The following GDAP1 variants were observed in gnomAD, a reference collection of about 807,000 sequenced individuals.
The protein encoded by GDAP1 is ganglioside-induced differentiation-associated protein 1.
A neutral mutation model predicts 40.1 loss-of-function variants in GDAP1; 34 were observed. The observed-to-expected ratio is 0.85, with a 90% CI of 0.64 to 1.13. GDAP1 has a LOEUF of 1.13. Among genes scored for constraint, GDAP1 ranks in the 50% most tolerant of loss-of-function variants. The pLI is 0.00. For missense variants in GDAP1, 374 were observed against 433.7 expected, an observed-to-expected ratio of 0.86 and a Z score of 1.22; for synonymous variants, 170 against 157.4, an observed-to-expected ratio of 1.08 and a Z score of -0.60.
intron 2 of GDAP1, among the ~76,000 whole-genome samples, chr8:74,473,083 ATTTTTT>A (rs34633437): frequency 1.9e-4 from 28 of 148,254 alleles, no homozygotes; most frequent in African/African-American, 6.8e-4. Flanking sequence ...GGCTGCATGT[ATTTTTT>A]TTTTTTTTGA....
intron 2 of GDAP1, among the ~76,000 whole-genome samples, chr8:74,417,456 A>G (rs1805797292): frequency 6.7e-6 from 1 of 150,290 alleles, no homozygotes; most frequent in African/African-American, 2.5e-5. Flanking sequence ...CCCAATTCAT[A>G]GATGCTATGA....
intron 2 of GDAP1, among the ~76,000 whole-genome samples, chr8:74,413,071 A>AAAG (rs1202635316): frequency 1.4e-5 from 2 of 145,588 alleles, no homozygotes; most frequent in Non-Finnish European, 3.0e-5. Flanking sequence ...GTCTCAAAAA[A>AAAG]AAAAAAAAAA....
At chr8:74,363,414 A>G (rs774958560) in intron 5 of GDAP1, among the ~76,000 whole-genome samples, 3 of 152,186 alleles carry the variant, frequency 2.0e-5, no homozygotes, top group Admixed American at 1.3e-4. Context: ...CTAAAGTGTA[A>G]TAAGGACCAG....
chr8:74,358,301 A>C (rs1809199330), intron 2 of GDAP1, among the ~76,000 whole-genome samples: 2 of 152,224 alleles, frequency 1.3e-5, no homozygotes, highest in African/African-American at 2.4e-5. Flanking sequence ...TTCTGGAGAG[A>C]AGCCCCAGGG....
intron 2 of GDAP1, among the ~76,000 whole-genome samples, chr8:74,474,307 T>C (rs755519481): frequency 1.3e-5 from 2 of 152,128 alleles, no homozygotes; most frequent in Non-Finnish European, 2.9e-5. Context: ...CTGATTGTTC[T>C]GGCCAGGACT....
chr8:74,464,679 T>C (rs60566797), intron 2 of GDAP1, among the ~76,000 whole-genome samples: 1,999 of 152,286 alleles, frequency 0.013, 37 homozygotes, highest in African/African-American at 0.044. Context: ...TGCCTTTGAG[T>C]TGGGCCTGGA....
At chr8:74,383,941 T>C (rs1467913937) in intron 2 of GDAP1, among the ~76,000 whole-genome samples, 1 of 152,154 alleles carries the variant, frequency 6.6e-6, no homozygotes, top group Non-Finnish European at 1.5e-5. Flanking sequence ...TAAGATCGTT[T>C]AAGTCTCATG....
At chr8:74,439,168 G>A (rs1806129667) in intron 2 of GDAP1, among the ~76,000 whole-genome samples, 1 of 151,706 alleles carries the variant, frequency 6.6e-6, no homozygotes, top group African/African-American at 2.4e-5. Context: ...GCACCAAAAT[G>A]TTTAACATTT....
chr8:74,379,524 T>C (rs1268530191), intron 2 of GDAP1, among the ~76,000 whole-genome samples: 2 of 152,212 alleles, frequency 1.3e-5, no homozygotes, highest in East Asian at 1.9e-4. Flanking sequence ...GGTATCTTTA[T>C]TGAGACATAT....
At position 74,475,454 on chromosome 8, in the gene GDAP1, C is replaced by T. The variant is rs183889672; in HGVS notation, c.166-13224C>T. On this transcript the variant is annotated intron_variant, in intron 2 of 2. Transcript: ENST00000523640. ...AATTTTCCTTTTAACACTTCCTTAG[C>T]TGTGTCACAGAGATTTTGGTATATT... Among the ~76,000 whole-genome samples the T allele has an allele frequency of 3.6e-3, 541 of 152,184 alleles. 2 individuals carry two copies. The highest frequency in any genetic ancestry group is 0.012 in the African/African-American group (507 of 41,532).
intron 2 of GDAP1, among the ~76,000 whole-genome samples, chr8:74,487,128 G>A (rs189841779): frequency 6.6e-6 from 1 of 152,232 alleles, no homozygotes; most frequent in Admixed American, 6.5e-5. Flanking sequence ...CTGGCACATG[G>A]TAAACCCTTG....
At chr8:74,403,728 G>C (rs1805597778) in intron 2 of GDAP1, among the ~76,000 whole-genome samples, 1 of 150,166 alleles carries the variant, frequency 6.7e-6, no homozygotes, top group Non-Finnish European at 1.5e-5. Context: ...TCACTTGATA[G>C]AACAGTGAGG....
At chr8:74,408,470 G>A (rs1292970147) in intron 2 of GDAP1, among the ~76,000 whole-genome samples, 5 of 149,886 alleles carry the variant, frequency 3.3e-5, no homozygotes, top group Non-Finnish European at 5.9e-5. Context: ...TGGGATTAGC[G>A]TCCTTATAAA....
At position 74,365,929 on chromosome 8, in the gene GDAP1, A is replaced by T. The variant is rs1809610308; in HGVS notation, c.*1562A>T. ...GTTGCTGGGACATACCAATCCATGT[A>T]TTCATTAGAGCCATAGAAGTTATTA... On this transcript the variant is annotated 3_prime_UTR_variant, in exon 6 of 6. Transcript: ENST00000220822. The T allele has an allele frequency of 6.6e-6, 3 of 453,676 alleles. No homozygotes were observed. Among genetic ancestry groups the T allele is most frequent in the Non-Finnish European group, 4.4e-6 (1 of 226,728 alleles). 28.1% of individuals were successfully genotyped at this position (453,676 alleles called of 1,614,324 possible). A position where few individuals can be genotyped will look rare whatever the true frequency, so the allele number is the denominator to read the frequency against.
intron 2 of GDAP1, among the ~76,000 whole-genome samples, chr8:74,392,102 A>G (rs1054996320): frequency 5.3e-5 from 8 of 152,198 alleles, no homozygotes; most frequent in Non-Finnish European, 1.2e-4. Context: ...TACAGGTGTG[A>G]GCCATCATGC....
chr8:74,370,208 A>G (rs985548980), downstream of GDAP1, among the ~76,000 whole-genome samples: 4 of 152,240 alleles, frequency 2.6e-5, no homozygotes, highest in African/African-American at 9.6e-5. Context: ...TAATTTCCTT[A>G]AAAGGTTACT....
chr8:74,409,566 T>C (rs186102002), intron 2 of GDAP1, among the ~76,000 whole-genome samples: 1 of 150,124 alleles, frequency 6.7e-6, no homozygotes, highest in Non-Finnish European at 1.5e-5. Context: ...TTGGCCAGCC[T>C]GGTGTTGAAC....
At chr8:74,358,404 G>T (rs1454051141) in intron 2 of GDAP1, among the ~76,000 whole-genome samples, 2 of 152,174 alleles carry the variant, frequency 1.3e-5, no homozygotes, top group East Asian at 3.8e-4. Context: ...TTAGCCTGAG[G>T]TTCTTGGACC....
chr8:74,447,859 T>C (rs1251335421), intron 2 of GDAP1, among the ~76,000 whole-genome samples: 1 of 152,174 alleles, frequency 6.6e-6, no homozygotes, highest in African/African-American at 2.4e-5. Flanking sequence ...GTTTATAAAG[T>C]GTATATGAAG....
Sources: gnomAD v4.1 joint callset for allele counts (sites outside exome capture counted in the v4.1 genomes callset) on GRCh38, gnomAD v4.1.1 for gene constraint, MANE v1.5 for transcripts, NCBI Gene and HGNC (gene_info 2026-07-23, HGNC 2026-07-21) for gene names.